The following GABRR2 variants were observed in gnomAD, a reference collection of about 807,000 sequenced individuals.
The protein encoded by GABRR2 is gamma-aminobutyric acid type A receptor subunit rho2.
In GABRR2, 36 loss-of-function variants were observed where a neutral mutation model predicts 47.0. The observed-to-expected ratio is 0.77, with a 90% CI of 0.59 to 1.01. The LOEUF (loss-of-function observed/expected upper bound fraction) is 1.01, where lower values mean the gene tolerates loss of function less well. Ranked by LOEUF, GABRR2 falls within the 50% of genes least tolerant of loss-of-function variation. The probability of loss-of-function intolerance (pLI) is 0.00; values close to 1 mark genes in which losing one functional copy is unlikely to be tolerated. For synonymous variants in GABRR2, 204 were observed against 227.5 expected, an observed-to-expected ratio of 0.90 and a Z score of 0.93; for missense variants, 587 against 594.6, an observed-to-expected ratio of 0.99 and a Z score of 0.13.
intron 1 of GABRR2, among the ~76,000 whole-genome samples, chr6:89,307,841 G>A (rs1767596336): frequency 8.1e-6 from 1 of 123,070 alleles, no homozygotes; most frequent in African/African-American, 3.2e-5. Context: ...TTTTTGAGAT[G>A]GAGTCTTGCT....
Position 89,255,359 on chromosome 6 carries a change from C to T in GABRR2, c.*2311G>A, listed in dbSNP as rs1483264846. Among the ~76,000 whole-genome samples the T allele has an allele frequency of 6.6e-6, 1 of 152,120 alleles. No individual in the cohort carries two copies. The highest frequency in any genetic ancestry group is 2.4e-5 in the African/African-American group (1 of 41,430). ...GGCTGAGGCAGGAGAATTGCTTGAACCCGGGAGGCAGAGGTTGTGGTGAGC... is the reference window on the plus strand; with the variant it reads ...GGCTGAGGCAGGAGAATTGCTTGAATCCGGGAGGCAGAGGTTGTGGTGAGC... On this transcript the variant is annotated 3_prime_UTR_variant, in exon 9 of 9. Coordinates refer to ENST00000402938, the MANE Select transcript of GABRR2 (RefSeq NM_002043.5).
intron 2 of GABRR2, among the ~76,000 whole-genome samples, chr6:89,290,765 C>CT (rs1338587710): frequency 2.0e-5 from 3 of 152,198 alleles, no homozygotes; most frequent in Non-Finnish European, 4.4e-5. Context: ...AGGGGAATGG[C>CT]TTCTCCTGCA....
chr6:89,271,240 G>C (rs1774042880), intron 3 of GABRR2, among the ~76,000 whole-genome samples: 1 of 152,186 alleles, frequency 6.6e-6, no homozygotes, highest in Non-Finnish European at 1.5e-5. Flanking sequence ...GACATGGAGT[G>C]GGGGACACTG....
In GABRR2 at chr6:89,256,855, G is replaced by A. The variant is rs530911776; in HGVS notation, c.*815C>T. 6.6e-6 allele frequency among the ~76,000 whole-genome samples: 1 copy of A among 152,298 alleles called. No homozygotes were observed. The highest frequency in any genetic ancestry group is 3.4e-3 in the Middle Eastern group (1 of 294). On this transcript the variant is annotated 3_prime_UTR_variant, in exon 9 of 9. Coordinates refer to ENST00000402938, the MANE Select transcript of GABRR2 (RefSeq NM_002043.5). ...CTATCTGTGTAACTTCACTGGAGGA[G>A]GATAGTTGAAAGTTCTGGACCTGGC...
chr6:89,257,671 T>C lies in GABRR2; in HGVS notation c.1397A>G (p.Ter466TrpextTer7), dbSNP rs1773632228. The C allele has an allele frequency of 6.2e-7, 1 of 1,609,030 alleles. No individual in the cohort carries two copies. The highest frequency in any genetic ancestry group is 8.5e-7 in the Non-Finnish European group (1 of 1,177,226). The change falls in exon 9 of 9, where the codon TAG becomes TGG. Residue 466 changes from the stop codon to tryptophan (W), a stop_lost. Transcript: ENST00000402938. ...CTTCTAGGAACAGCCTTGGAGCCCC[T>C]AGGAAAACACTGACCAATAAATTAA... ...FNLIYWSVFS[*>W] is the part of the protein sequence containing the mutation.
intron 8 of GABRR2, among the ~76,000 whole-genome samples, chr6:89,259,881 C>T (rs1230712875): frequency 9.1e-5 from 13 of 143,008 alleles, no homozygotes; most frequent in Admixed American, 1.4e-4. Context: ...ATCTCTCTCT[C>T]TCTTTTTTTT....
chr6:89,279,158 C>T (rs141264941), intron 2 of GABRR2, among the ~76,000 whole-genome samples: 17 of 152,336 alleles, frequency 1.1e-4, no homozygotes, highest in African/African-American at 7.2e-5. Flanking sequence ...CTCAGATCCC[C>T]GGCCTGGCCC....
rs61739705 is a variant in GABRR2, at chr6:89,257,770, C to G, written c.1298G>C (p.Arg433Pro). The change falls in exon 9 of 9, where the codon CGT (arginine) becomes CCT (proline). Residue 433 changes from arginine to proline, a missense_variant. By Grantham distance (103) the Arg-to-Pro change is moderately radical. Coordinates refer to ENST00000402938, the MANE Select transcript of GABRR2 (RefSeq NM_002043.5). The stretch of plus-strand genomic sequence containing the variant: ...AATGGCATGGGTATTCTGGAAGATA[C>G]GAAAACCCGTCTGGCCCTTCAGAAG... The part of the protein sequence containing the change: ...KGLLKGQTGF[R>P]IFQNTHAIDK... 8 of 1,613,818 alleles carry G rather than the reference C, an allele frequency of 5.0e-6. No individual in the cohort carries two copies. The highest frequency in any genetic ancestry group is 6.8e-6 in the Non-Finnish European group (8 of 1,179,840).
chr6:89,311,033 G>A (rs528355363), intron 1 of GABRR2, among the ~76,000 whole-genome samples: 60 of 152,198 alleles, frequency 3.9e-4, no homozygotes, highest in Non-Finnish European at 7.6e-4. Context: ...AGTCATGGTC[G>A]GGTGCTGCCA....
intron 2 of GABRR2, among the ~76,000 whole-genome samples, chr6:89,286,790 G>A (rs1176663551): frequency 2.6e-5 from 4 of 152,084 alleles, no homozygotes; most frequent in Admixed American, 1.3e-4. Context: ...TAATTTTAAT[G>A]GAAGGAGCAA....
chr6:89,312,347 C>T (rs1332917084), intron 1 of GABRR2, among the ~76,000 whole-genome samples: 1 of 152,188 alleles, frequency 6.6e-6, no homozygotes, highest in East Asian at 1.9e-4. Context: ...AAAATAGGGG[C>T]TGGTCTTTGT....
intron 8 of GABRR2, among the ~76,000 whole-genome samples, 186 bp from the exon 9 acceptor site, chr6:89,258,167 T>A (rs1773652213): frequency 6.6e-6 from 1 of 152,222 alleles, no homozygotes; most frequent in African/African-American, 2.4e-5. Context: ...TCTGCACAGC[T>A]CTTTAAACTG....
chr6:89,271,710 G>A lies in GABRR2; in HGVS notation c.233C>T (p.Pro78Leu), dbSNP rs757588172. 5.3e-5 allele frequency: 86 copies of A among 1,612,090 alleles called. No individual in the cohort carries two copies. The highest frequency in any genetic ancestry group is 2.0e-4 in the Admixed American group (12 of 59,846). ...MRPAFGGPAI[P>L]VGVDVQVESL... ...CTCCACCTGTACGTCCACGCCCACCGGGATGGCAGGGCCTGCAGAAGAGCA... is the reference window on the plus strand; with the variant it reads ...CTCCACCTGTACGTCCACGCCCACCAGGATGGCAGGGCCTGCAGAAGAGCA... Residue 78 changes from proline (P) to leucine (L), a missense_variant, in exon 3 of 9, where the codon CCG (proline) becomes CTG (leucine). Coordinates refer to ENST00000402938, the MANE Select transcript of GABRR2 (RefSeq NM_002043.5).
Position 89,277,352 on chromosome 6 carries a change from C to T in GABRR2, c.221-5630G>A, listed in dbSNP as rs1774179372. On this transcript the variant is annotated intron_variant, in intron 2 of 8. Transcript: ENST00000402938. ...GCTGAACTGTGAGTCAATTAAACCT[C>T]TTTCCTTTATAAATTACCCAGTCTC... Among the ~76,000 whole-genome samples, 10 of 152,328 alleles carry T rather than the reference C, an allele frequency of 6.6e-5. No individual in the cohort carries two copies. In the South Asian group the frequency reaches 2.1e-3, roughly 32 times the overall value.
intron 1 of GABRR2, chr6:89,302,109 C>T (rs1385904226): frequency 1.5e-5 from 9 of 618,588 alleles, no homozygotes; most frequent in Non-Finnish European, 2.5e-5. Flanking sequence ...ACGGAGGGTG[C>T]GGAGCTGGTG....
At chr6:89,280,375 C>T (rs1270288835) in intron 2 of GABRR2, among the ~76,000 whole-genome samples, 1 of 151,926 alleles carries the variant, frequency 6.6e-6, no homozygotes. Flanking sequence ...CTTCCCTCAG[C>T]ACTCACAGAG....
chr6:89,270,306 A>T (rs1774019428), intron 3 of GABRR2: 1 of 152,208 alleles, frequency 6.6e-6, no homozygotes. Context: ...GCTACCTTGG[A>T]TGTTACCTAC....
At chr6:89,271,765 T>G in intron 2 of GABRR2, 43 bp from the exon 3 acceptor site, 10 of 1,564,150 alleles carry the variant, frequency 6.4e-6, no homozygotes, top group South Asian at 1.2e-5. Context: ...CCTTCCTCTC[T>G]ACCTTTGGGC....
rs373950633 is a variant in GABRR2 at position 89,315,215 on chromosome 6, G to C, written c.-50C>G. ...AGCTGCTTTCCAGTAGCCTGTGGCA[G>C]AGCAAATCCCCCCTGGCTTGACCAT... On this transcript the variant is annotated 5_prime_UTR_variant, in exon 1 of 9. Transcript: ENST00000402938. 37 of 1,611,922 alleles carry C rather than the reference G, an allele frequency of 2.3e-5. No homozygotes were observed. The African/African-American group carries it at 4.8e-4, about 21-fold the overall frequency.
Sources: gnomAD v4.1 joint callset for allele counts (sites outside exome capture counted in the v4.1 genomes callset) on GRCh38, gnomAD v4.1.1 for gene constraint, MANE v1.5 for transcripts, NCBI Gene and HGNC (gene_info 2026-07-23, HGNC 2026-07-21) for gene names.